ANTXR2: variants seen among roughly 807,000 people sequenced by gnomAD.
ANTXR2 encodes anthrax toxin receptor 2.
Under a neutral mutation model 73.7 loss-of-function variants are expected in ANTXR2, and 44 were observed. The ratio of observed to expected loss-of-function variants is 0.60; its 90% CI spans 0.47 to 0.77. The LOEUF is 0.77. Ranked by LOEUF, ANTXR2 falls within the 30% of genes least tolerant of loss-of-function variation. ANTXR2 has a pLI of 0.00. For missense variants in ANTXR2, 604 were observed against 592.5 expected (o/e 1.02, Z -0.20); for synonymous variants, 217 against 205.9 (o/e 1.05, Z -0.46).
intron 10 of ANTXR2, among the ~76,000 whole-genome samples, chr4:80,030,734 A>G (rs1264724017): frequency 6.6e-6 from 1 of 152,084 alleles, no homozygotes; most frequent in Non-Finnish European, 1.5e-5. Flanking sequence ...TGATTTTCTT[A>G]GTTTCATAGA....
chr4:79,994,239 A>G (rs1730619540), intron 12 of ANTXR2, among the ~76,000 whole-genome samples: 1 of 152,046 alleles, frequency 6.6e-6, no homozygotes, highest in Admixed American at 6.6e-5. Context: ...CTATGTAGCC[A>G]GGTCAATATT....
chr4:79,996,350 GATGGATGA>G (rs1400726516), intron 12 of ANTXR2, among the ~76,000 whole-genome samples: 3 of 151,782 alleles, frequency 2.0e-5, no homozygotes, highest in Middle Eastern at 3.4e-3. Flanking sequence ...TGGATGGATG[GATGGATGA>G]ATGAATGAAT....
At chr4:79,960,033 G>A (rs138302334) in intron 16 of ANTXR2, among the ~76,000 whole-genome samples, 23 of 152,218 alleles carry the variant, frequency 1.5e-4, no homozygotes, top group African/African-American at 5.1e-4. Flanking sequence ...ATATTTGAAC[G>A]TTTTATTGAA....
At chr4:80,042,911 G>T (rs902339307) in intron 7 of ANTXR2, among the ~76,000 whole-genome samples, 1 of 151,978 alleles carries the variant, frequency 6.6e-6, no homozygotes, top group African/African-American at 2.4e-5. Flanking sequence ...ACCGATGGTT[G>T]TTCTCAGAGG....
intron 12 of ANTXR2, 136 bp from the exon 13 acceptor site, chr4:79,984,999 T>C: frequency 1.4e-6 from 1 of 692,578 alleles, no homozygotes; most frequent in Non-Finnish European, 2.5e-6. Flanking sequence ...ACCCAATATT[T>C]ATGCCCCTCT....
At chr4:80,032,393 A>T (rs1406399602) in intron 9 of ANTXR2, among the ~76,000 whole-genome samples, 1 of 151,828 alleles carries the variant, frequency 6.6e-6, no homozygotes. Context: ...GATACAAATG[A>T]CTACTGAATA....
At chr4:79,920,801 T>C (rs1560857800) in intron 16 of ANTXR2, among the ~76,000 whole-genome samples, 1 of 152,158 alleles carries the variant, frequency 6.6e-6, no homozygotes, top group Non-Finnish European at 1.5e-5. Flanking sequence ...TCCATTCTCA[T>C]CTCTTTTACT....
Position 80,056,031 on chromosome 4 carries a change from C to T in ANTXR2, c.297-18G>A. 6.7e-7 allele frequency: 1 copy of T among 1,497,306 alleles called. No homozygotes were observed. The highest frequency in any genetic ancestry group is 8.9e-7 in the Non-Finnish European group (1 of 1,118,910). The allele number at this position is 1,497,306 out of a possible 1,614,324, so 92.8% of individuals were successfully genotyped here. A position where few individuals can be genotyped will look rare whatever the true frequency, so the allele number is the denominator to read the frequency against. ...TTTTGCCTCTGAAAATAATATTAAA[C>T]AAAAGAAAAAATGAGCAAAGAGCAA... On this transcript the variant is annotated intron_variant, in intron 3 of 16. Transcript: ENST00000403729.
intron 12 of ANTXR2, among the ~76,000 whole-genome samples, chr4:79,987,749 C>T (rs1475639338): frequency 6.6e-6 from 1 of 152,118 alleles, no homozygotes; most frequent in African/African-American, 2.4e-5. Flanking sequence ...AAAGGAATCC[C>T]ATCAGGCCAA....
At chr4:79,994,761 C>A (rs972221500) in intron 12 of ANTXR2, among the ~76,000 whole-genome samples, 2 of 151,864 alleles carry the variant, frequency 1.3e-5, no homozygotes, top group African/African-American at 2.4e-5. Context: ...TCACATAGTA[C>A]CATGGGAGGC....
chr4:79,922,798 A>G (rs746276753), intron 16 of ANTXR2, among the ~76,000 whole-genome samples: 6 of 152,102 alleles, frequency 3.9e-5, no homozygotes, highest in Admixed American at 6.6e-5. Context: ...ACAGATATAT[A>G]GAGACAGAGA....
intron 16 of ANTXR2, among the ~76,000 whole-genome samples, chr4:79,918,464 C>T (rs1411961538): frequency 3.5e-5 from 5 of 142,318 alleles, no homozygotes; most frequent in Admixed American, 2.9e-4. Flanking sequence ...CTTACCCTGC[C>T]CCACAATGAG....
intron 3 of ANTXR2, among the ~76,000 whole-genome samples, chr4:80,058,228 C>T (rs747345509): frequency 2.0e-5 from 3 of 152,036 alleles, no homozygotes; most frequent in Non-Finnish European, 2.9e-5. Flanking sequence ...ACTTCCCAAA[C>T]GTGGATTCAA....
chr4:80,003,078 T>A (rs1265193380), intron 12 of ANTXR2, among the ~76,000 whole-genome samples: 2 of 151,796 alleles, frequency 1.3e-5, no homozygotes, highest in East Asian at 3.9e-4. Context: ...CCCAAAGGAC[T>A]ATAAATCAGG....
At chr4:79,946,910 G>T (rs1420678178) in intron 16 of ANTXR2, among the ~76,000 whole-genome samples, 1 of 152,028 alleles carries the variant, frequency 6.6e-6, no homozygotes, top group Non-Finnish European at 1.5e-5. Context: ...TTAGGCTCTA[G>T]ATAACATACA....
intron 12 of ANTXR2, among the ~76,000 whole-genome samples, chr4:79,986,591 C>T (rs1376780022): frequency 6.6e-6 from 1 of 152,160 alleles, no homozygotes; most frequent in African/African-American, 2.4e-5. Context: ...ACTGCATACA[C>T]ACCAGTGGCT....
At chr4:80,056,766 T>C (rs1357452523) in intron 3 of ANTXR2, among the ~76,000 whole-genome samples, 7 of 151,948 alleles carry the variant, frequency 4.6e-5, no homozygotes, top group Non-Finnish European at 1.0e-4. Flanking sequence ...ACTAATTCAC[T>C]ATCCCAACTG....
chr4:79,948,639 G>C (rs1398017562), intron 16 of ANTXR2, among the ~76,000 whole-genome samples: 1 of 152,092 alleles, frequency 6.6e-6, no homozygotes, highest in Non-Finnish European at 1.5e-5. Context: ...ACACCATTAT[G>C]ATGACTTAAA....
chr4:79,976,099 A>C (rs11721624), intron 16 of ANTXR2, among the ~76,000 whole-genome samples: 56,954 of 151,512 alleles, frequency 0.38, 12,392 homozygotes, highest in Non-Finnish European at 0.47. Flanking sequence ...TTTTTAGTAG[A>C]GACGGGGTTT....
Sources: gnomAD v4.1 joint callset for allele counts (sites outside exome capture counted in the v4.1 genomes callset) on GRCh38, gnomAD v4.1.1 for gene constraint, MANE v1.5 for transcripts, NCBI Gene and HGNC (gene_info 2026-07-23, HGNC 2026-07-21) for gene names.